WDR41: variants seen among roughly 807,000 people sequenced by gnomAD.
The protein encoded by WDR41 is WD repeat-containing protein 41.
Under a neutral mutation model 69.3 loss-of-function variants are expected in WDR41, and 63 were observed. The observed-to-expected ratio is 0.91, with a 90% CI of 0.74 to 1.12. The LOEUF (loss-of-function observed/expected upper bound fraction) is 1.12, where lower values mean the gene tolerates loss of function less well. WDR41 is among the 50% of genes most tolerant of loss of function. The probability of loss-of-function intolerance (pLI) is 0.00; values close to 1 mark genes in which losing one functional copy is unlikely to be tolerated. For missense variants in WDR41, 543 were observed against 534.5 expected, an observed-to-expected ratio of 1.02 and a Z score of -0.16; for synonymous variants, 185 against 192.1, an observed-to-expected ratio of 0.96 and a Z score of 0.31.
intron 1 of WDR41, among the ~76,000 whole-genome samples, chr5:77,512,355 AGTGTGTGTGTGTGTGT>A (rs111485869): frequency 2.8e-4 from 34 of 119,394 alleles, no homozygotes; most frequent in South Asian, 5.6e-4. Flanking sequence ...AGAGAGAGTG[AGTGTGTGTGTGTGTGT>A]GTGTGTGTGT....
chr5:77,434,427 C>T (rs541716555), intron 12 of WDR41, among the ~76,000 whole-genome samples: 13 of 152,156 alleles, frequency 8.5e-5, no homozygotes, highest in Admixed American at 4.6e-4. Context: ...AGAATTCCTT[C>T]GGAAACTGGA....
chr5:77,504,776 CAT>C (rs1438319778), intron 1 of WDR41, among the ~76,000 whole-genome samples: 1 of 152,108 alleles, frequency 6.6e-6, no homozygotes, highest in Non-Finnish European at 1.5e-5. Flanking sequence ...ACAAAAACCA[CAT>C]GATTATCTCA....
chr5:77,478,657 GT>G (rs1452054509), intron 2 of WDR41, among the ~76,000 whole-genome samples: 6 of 152,110 alleles, frequency 3.9e-5, no homozygotes, highest in Non-Finnish European at 5.9e-5. Flanking sequence ...AATAAATTAG[GT>G]ATGGATGGGA....
chr5:77,437,545 G>A, intron 10 of WDR41, 121 bp from the exon 11 acceptor site: 2 of 855,496 alleles, frequency 2.3e-6, no homozygotes, highest in South Asian at 1.4e-5. Flanking sequence ...AGCAGGAACT[G>A]ACAAAAATCA....
chr5:77,471,518 A>C (rs990845349), intron 2 of WDR41, among the ~76,000 whole-genome samples: 1 of 152,218 alleles, frequency 6.6e-6, no homozygotes, highest in African/African-American at 2.4e-5. Context: ...AACAAAATTG[A>C]TAGAACGCTA....
intron 1 of WDR41, among the ~76,000 whole-genome samples, chr5:77,560,965 G>A (rs552909805): frequency 2.0e-5 from 3 of 152,196 alleles, no homozygotes; most frequent in South Asian, 2.1e-4. Flanking sequence ...TTCACTCAAC[G>A]GTAGAGATAG....
In WDR41 at chr5:77,461,786, C is replaced by T. The variant is rs562524233; in HGVS notation, c.348+1309G>A. Among the ~76,000 whole-genome samples, 15 of 150,934 alleles carry T rather than the reference C, an allele frequency of 9.9e-5. No homozygotes were observed. In the South Asian group the frequency reaches 2.1e-3, roughly 21 times the overall value. ...CTGGGAGGTGGAGGCTGCAGTGAGCCGAGATTGTGCTACTGCACTCCAGCT... is the reference window on the plus strand; with the variant it reads ...CTGGGAGGTGGAGGCTGCAGTGAGCTGAGATTGTGCTACTGCACTCCAGCT... On this transcript the variant is annotated intron_variant, in intron 4 of 12. Transcript: ENST00000296679.
intron 12 of WDR41, among the ~76,000 whole-genome samples, chr5:77,433,592 TTATACTG>T: frequency 6.6e-6 from 1 of 152,350 alleles, no homozygotes; most frequent in East Asian, 1.9e-4. Flanking sequence ...TAACCATTAC[TTATACTG>T]TATAATGGCT....
At chr5:77,602,064 A>G (rs1056259456) in intron 1 of WDR41, among the ~76,000 whole-genome samples, 1 of 151,874 alleles carries the variant, frequency 6.6e-6, no homozygotes, top group African/African-American at 2.4e-5. Context: ...TATTCTTTCT[A>G]TCTAACTGTA....
intron 1 of WDR41, among the ~76,000 whole-genome samples, chr5:77,616,123 T>C (rs1437410319): frequency 6.9e-6 from 1 of 145,514 alleles, no homozygotes; most frequent in Non-Finnish European, 1.5e-5. Flanking sequence ...CACTCTGTCT[T>C]TTTTTTTTTT....
intron 7 of WDR41, among the ~76,000 whole-genome samples, chr5:77,451,064 A>G (rs1319815218): frequency 1.3e-5 from 2 of 152,180 alleles, no homozygotes; most frequent in Non-Finnish European, 2.9e-5. Context: ...AATAACAAGC[A>G]ATAAACTGTT....
intron 1 of WDR41, among the ~76,000 whole-genome samples, chr5:77,559,686 G>A (rs1043308440): frequency 1.3e-5 from 2 of 151,432 alleles, no homozygotes; most frequent in Non-Finnish European, 2.9e-5. Context: ...TATATATAAT[G>A]TTATGTGTGT....
At chr5:77,523,601 A>T (rs755058838) in intron 1 of WDR41, among the ~76,000 whole-genome samples, 3 of 151,986 alleles carry the variant, frequency 2.0e-5, no homozygotes, top group Non-Finnish European at 4.4e-5. Context: ...TTTTCAAGTA[A>T]GCTGAGTTAG....
At chr5:77,479,470 C>G (rs1384229688) in intron 2 of WDR41, among the ~76,000 whole-genome samples, 2 of 152,084 alleles carry the variant, frequency 1.3e-5, no homozygotes, top group Admixed American at 1.3e-4. Context: ...GGTACCAAAA[C>G]AGAGATATAG....
At chr5:77,596,954 C>CA (rs967258312) in intron 1 of WDR41, among the ~76,000 whole-genome samples, 97 of 151,114 alleles carry the variant, frequency 6.4e-4, no homozygotes, top group African/African-American at 2.1e-3. Flanking sequence ...CCCATTTCTA[C>CA]AAAAAAAATA....
chr5:77,551,505 C>T (rs1743295919), intron 1 of WDR41, among the ~76,000 whole-genome samples: 2 of 145,014 alleles, frequency 1.4e-5, no homozygotes, highest in South Asian at 4.3e-4. Context: ...TAGCGAAACC[C>T]TGTCGCTACT....
intron 1 of WDR41, among the ~76,000 whole-genome samples, chr5:77,607,029 A>G (rs980892367): frequency 7.2e-5 from 11 of 152,032 alleles, no homozygotes; most frequent in African/African-American, 2.4e-4. Flanking sequence ...AAACAGGATT[A>G]GAAGGATAGA....
chr5:77,546,032 A>T, intron 1 of WDR41: 1 of 542,194 alleles, frequency 1.8e-6, no homozygotes, highest in Non-Finnish European at 3.1e-6. Context: ...GCTGCTGATG[A>T]TGGCTGGTAT....
chr5:77,605,604 A>G (rs1170851170), intron 1 of WDR41, among the ~76,000 whole-genome samples: 2 of 152,164 alleles, frequency 1.3e-5, no homozygotes, highest in Non-Finnish European at 2.9e-5. Flanking sequence ...TGGGAGAATG[A>G]CCCAAAGACA....
Sources: allele counts gnomAD v4.1 joint callset (sites outside exome capture counted in the v4.1 genomes callset), GRCh38; gene constraint gnomAD v4.1.1; transcripts MANE v1.5; gene names NCBI Gene and HGNC (gene_info 2026-07-23, HGNC 2026-07-21).